SLIT3: variants seen among roughly 807,000 people sequenced by gnomAD.
SLIT3 encodes the protein slit homolog 3 protein.
SLIT3 carries 68 observed loss-of-function variants against 184.0 expected under a neutral mutation model. That is an observed-to-expected ratio of 0.37 (90% CI 0.30 to 0.45). The LOEUF is 0.45. SLIT3 is among the 20% of genes least tolerant of loss of function. SLIT3 has a pLI of 1.00. For missense variants in SLIT3, 1,707 were observed against 2,026.0 expected, an observed-to-expected ratio of 0.84 and a Z score of 3.02; for synonymous variants, 831 against 828.6, an observed-to-expected ratio of 1.00 and a Z score of -0.05.
chr5:168,717,046 T>G (rs113319984), intron 23 of SLIT3, among the ~76,000 whole-genome samples: 45 of 131,706 alleles, frequency 3.4e-4, no homozygotes, highest in African/African-American at 1.4e-3. Flanking sequence ...AGGGCATTTA[T>G]ATTCTCCCGG....
intron 3 of SLIT3, among the ~76,000 whole-genome samples, chr5:169,239,885 C>T (rs1184283802): frequency 2.0e-5 from 3 of 151,962 alleles, no homozygotes; most frequent in African/African-American, 7.2e-5. Context: ...ATAATATATA[C>T]CATGAATTGA....
At chr5:169,295,677 G>A (rs1304889397) in intron 1 of SLIT3, among the ~76,000 whole-genome samples, 1 of 152,210 alleles carries the variant, frequency 6.6e-6, no homozygotes, top group Non-Finnish European at 1.5e-5. Flanking sequence ...ACATTGCCAA[G>A]GCAAGAGGTT....
intron 3 of SLIT3, among the ~76,000 whole-genome samples, chr5:169,213,199 A>G (rs1255970363): frequency 6.6e-6 from 1 of 152,000 alleles, no homozygotes; most frequent in African/African-American, 2.4e-5. Context: ...TCATGAGTGA[A>G]CTCCCACTCA....
chr5:168,958,376 G>C (rs1002796611), intron 4 of SLIT3, among the ~76,000 whole-genome samples: 2 of 152,148 alleles, frequency 1.3e-5, no homozygotes, highest in African/African-American at 4.8e-5. Flanking sequence ...TTCATGTCCA[G>C]CTGCCAGTTT....
At chr5:169,140,374 G>A (rs7700596) in intron 4 of SLIT3, among the ~76,000 whole-genome samples, 7,435 of 139,548 alleles carry the variant, frequency 0.053, 240 homozygotes, top group Middle Eastern at 0.12. Flanking sequence ...CCAGCTACTC[G>A]GAGGCTGAGA....
chr5:168,932,273 T>C (rs1412767459), intron 4 of SLIT3, among the ~76,000 whole-genome samples: 5 of 150,794 alleles, frequency 3.3e-5, no homozygotes, highest in African/African-American at 4.9e-5. Context: ...TTTTTTTTTT[T>C]TGGTACAAGG....
chr5:168,823,541 C>T (rs1170553951), intron 6 of SLIT3, among the ~76,000 whole-genome samples: 1 of 152,162 alleles, frequency 6.6e-6, no homozygotes, highest in Non-Finnish European at 1.5e-5. Flanking sequence ...AGCCCTCCTT[C>T]CCTCTACTGT....
chr5:169,168,725 C>T (rs1029133501), intron 4 of SLIT3, among the ~76,000 whole-genome samples: 5 of 152,216 alleles, frequency 3.3e-5, no homozygotes, highest in Admixed American at 6.5e-5. Context: ...TTTTAAACCA[C>T]TCAGTTACAC....
intron 1 of SLIT3, among the ~76,000 whole-genome samples, chr5:169,270,935 G>A (rs895062735): frequency 6.6e-6 from 1 of 152,136 alleles, no homozygotes; most frequent in Non-Finnish European, 1.5e-5. Context: ...ACTAGGCAAG[G>A]TTATACATGT....
At chr5:169,050,871 G>A (rs918150871) in intron 4 of SLIT3, among the ~76,000 whole-genome samples, 9 of 152,188 alleles carry the variant, frequency 5.9e-5, no homozygotes, top group Non-Finnish European at 1.3e-4. Context: ...GCAGAAATAT[G>A]TGTTGAATGA....
At chr5:168,946,888 C>A (rs1762498614) in intron 4 of SLIT3, among the ~76,000 whole-genome samples, 1 of 152,234 alleles carries the variant, frequency 6.6e-6, no homozygotes, top group Non-Finnish European at 1.5e-5. Context: ...AGCCTTTTAT[C>A]AGCTCCATCT....
chr5:169,128,932 T>A (rs1271749732), intron 4 of SLIT3, among the ~76,000 whole-genome samples: 1 of 152,010 alleles, frequency 6.6e-6, no homozygotes, highest in African/African-American at 2.4e-5. Context: ...TTACTGGAAA[T>A]AAGAGATGAC....
At chr5:169,225,085 G>T (rs749857431) in intron 3 of SLIT3, among the ~76,000 whole-genome samples, 16 of 152,074 alleles carry the variant, frequency 1.1e-4, no homozygotes, top group Non-Finnish European at 2.4e-4. Context: ...TACTAATAAG[G>T]ATACTCAAAA....
At chr5:169,234,087 C>T (rs1765103591) in intron 3 of SLIT3, among the ~76,000 whole-genome samples, 1 of 152,144 alleles carries the variant, frequency 6.6e-6, no homozygotes. Context: ...CTTATTTCTT[C>T]TGTTAATGTG....
At chr5:168,776,812 C>T (rs1017616447) in intron 12 of SLIT3, among the ~76,000 whole-genome samples, 1 of 152,080 alleles carries the variant, frequency 6.6e-6, no homozygotes, top group African/African-American at 2.4e-5. Flanking sequence ...CAGGAATGGA[C>T]CCTTCACACA....
chr5:168,912,031 C>A (rs1461469291), intron 4 of SLIT3, among the ~76,000 whole-genome samples: 4 of 152,154 alleles, frequency 2.6e-5, no homozygotes, highest in Admixed American at 6.6e-5. Flanking sequence ...TCTCTTCCAC[C>A]ACTGCCACCC....
chr5:169,255,837 C>A (rs568463220), intron 1 of SLIT3, among the ~76,000 whole-genome samples: 32 of 152,036 alleles, frequency 2.1e-4, no homozygotes, highest in Non-Finnish European at 2.8e-4. Flanking sequence ...GAGCCGAGAT[C>A]GCGCCACTGC....
At chr5:168,916,179 A>G (rs1186604761) in intron 4 of SLIT3, among the ~76,000 whole-genome samples, 1 of 152,262 alleles carries the variant, frequency 6.6e-6, no homozygotes, top group East Asian at 1.9e-4. Flanking sequence ...TGATGGGCAT[A>G]TGTGGAGCCC....
At chr5:168,954,712 A>T (rs1428574919) in intron 4 of SLIT3, among the ~76,000 whole-genome samples, 1 of 152,180 alleles carries the variant, frequency 6.6e-6, no homozygotes, top group Non-Finnish European at 1.5e-5. Flanking sequence ...ACTCAGGCTA[A>T]TTGGGGCCAG....
Sources: allele counts gnomAD v4.1 joint callset (sites outside exome capture counted in the v4.1 genomes callset), GRCh38; gene constraint gnomAD v4.1.1; transcripts MANE v1.5; gene names NCBI Gene and HGNC (gene_info 2026-07-23, HGNC 2026-07-21).